Variants in HIVEP1 observed in about 807,000 individuals in gnomAD.
HIVEP1 encodes the protein HIVEP zinc finger 1.
HIVEP1 carries 36 observed loss-of-function variants against 180.0 expected under a neutral mutation model. The ratio of observed to expected loss-of-function variants is 0.20; its 90% CI spans 0.15 to 0.26. The LOEUF is 0.26. Among genes scored for constraint, HIVEP1 ranks in the 10% least tolerant of loss-of-function variants. The probability of loss-of-function intolerance (pLI) is 1.00; values close to 1 mark genes in which losing one functional copy is unlikely to be tolerated. For missense variants in HIVEP1, 3,143 were observed against 3,268.7 expected (o/e 0.96, Z 0.94); for synonymous variants, 1,239 against 1,239.0 (o/e 1.00, Z 0.00).
At chr6:12,192,178 A>G in the HIVEP1 span, among the ~76,000 whole-genome samples, 3 of 152,282 alleles carry the variant, frequency 2.0e-5, no homozygotes, top group South Asian at 6.2e-4. Context: ...CCCACTACCC[A>G]TATAGAACCA....
rs1186390816 is a variant in HIVEP1 at position 12,125,070 on chromosome 6, G to A, written c.5275G>A (p.Glu1759Lys). 1 of 1,614,032 alleles carries A rather than the reference G, an allele frequency of 6.2e-7. No individual in the cohort carries two copies. The highest frequency in any genetic ancestry group is 1.1e-5 in the South Asian group (1 of 91,016). The change falls in exon 4 of 9, where the codon GAA becomes AAA. Residue 1759 changes from glutamate (E) to lysine (K), a missense_variant. Physicochemically the swap from Glu to Lys is moderately conservative, Grantham distance 56. Around this residue, in one of 12 missense-constraint regions of HIVEP1, gnomAD observed 1,357 missense variants for 1,260.5 expected, o/e 1.08. Coordinates refer to ENST00000379388, the MANE Select transcript of HIVEP1 (RefSeq NM_002114.4). ...AGCAAATAGTTTAGACATTGCCATG[G>A]AAAAGCACCAGAAGCGGGCCAAAGA... ...SPANSLDIAM[E>K]KHQKRAKDEN...
chr6:12,205,055 T>C, the HIVEP1 span, among the ~76,000 whole-genome samples: 2 of 151,952 alleles, frequency 1.3e-5, no homozygotes, highest in African/African-American at 4.8e-5. Context: ...AGCAGAGGTG[T>C]TGAGGGGGAA....
chr6:12,193,120 T>C, the HIVEP1 span, among the ~76,000 whole-genome samples: 8 of 152,372 alleles, frequency 5.3e-5, no homozygotes, highest in African/African-American at 4.8e-5. Context: ...AGCTGGCCTA[T>C]GTAATTTAAT....
intron 7 of HIVEP1, among the ~76,000 whole-genome samples, chr6:12,146,919 C>T (rs1192965824): frequency 2.6e-5 from 4 of 152,090 alleles, no homozygotes; most frequent in East Asian, 1.9e-4. Context: ...AGGGAAAGAC[C>T]GGTGATGGCC....
intron 2 of HIVEP1, among the ~76,000 whole-genome samples, chr6:12,062,153 G>A (rs531811533): frequency 1.3e-5 from 2 of 152,204 alleles, no homozygotes; most frequent in Admixed American, 6.5e-5. Flanking sequence ...TCTAGGTGAT[G>A]GTGTTACATA....
At chr6:12,102,785 C>G (rs1444706194) in intron 3 of HIVEP1, among the ~76,000 whole-genome samples, 1 of 152,160 alleles carries the variant, frequency 6.6e-6, no homozygotes, top group Non-Finnish European at 1.5e-5. Flanking sequence ...ATCTCATTTT[C>G]TTAAGGTAGA....
At chr6:12,011,522 C>T (rs1394566474), upstream of HIVEP1, among the ~76,000 whole-genome samples, 2 of 151,202 alleles carry the variant, frequency 1.3e-5, no homozygotes, top group African/African-American at 4.8e-5. Context: ...TGCTGGTTCC[C>T]CAGGCGTCGC....
At chr6:12,017,464 G>A (rs1028629504) in intron 2 of HIVEP1, among the ~76,000 whole-genome samples, 2 of 152,226 alleles carry the variant, frequency 1.3e-5, no homozygotes, top group African/African-American at 2.4e-5. Flanking sequence ...CAAAGAGCAA[G>A]CAGTAGCAAG....
chr6:12,154,362 T>G (rs1344972857), intron 7 of HIVEP1, among the ~76,000 whole-genome samples: 1 of 152,050 alleles, frequency 6.6e-6, no homozygotes, highest in Non-Finnish European at 1.5e-5. Flanking sequence ...GCCTTCACAG[T>G]CTCCAGTCAA....
chr6:12,123,240 GA>G lies in HIVEP1; in HGVS notation c.3446del (p.Asp1149AlafsTer17), dbSNP rs1561968693. ...CTCCCTGAGCAGGCCCAACTCATTT[GA>G]CAAGCCTGAGCCTTTTGAAAGAGCC... is the stretch of plus-strand genomic sequence containing the variant. ...TNSLSRPNSFDKPEPFERASP... is the reference protein window; with the variant it reads ...TNSLSRPNSFXKPEPFERASP... On this transcript the variant is annotated frameshift_variant, in exon 4 of 9. Coordinates refer to ENST00000379388, the MANE Select transcript of HIVEP1 (RefSeq NM_002114.4). LOFTEE classifies it high-confidence loss of function. 2 of 1,614,158 alleles carry G rather than the reference GA, an allele frequency of 1.2e-6. No individual in the cohort carries two copies. The highest frequency in any genetic ancestry group is 1.7e-5 in the Admixed American group (1 of 60,012).
intron 2 of HIVEP1, among the ~76,000 whole-genome samples, chr6:12,030,843 T>C (rs1768893200): frequency 6.6e-6 from 1 of 152,230 alleles, no homozygotes; most frequent in African/African-American, 2.4e-5. Context: ...TTTCTCTTCA[T>C]GTCTCCAATT....
chr6:12,016,943 TTCTAGTTTGC>T (rs1767798313), intron 2 of HIVEP1, among the ~76,000 whole-genome samples: 1 of 152,168 alleles, frequency 6.6e-6, no homozygotes, highest in Admixed American at 6.5e-5. Context: ...GGGCACCCTG[TTCTAGTTTGC>T]ACAAGTGCAG....
intron 3 of HIVEP1, among the ~76,000 whole-genome samples, chr6:12,097,754 C>T (rs1442397884): frequency 6.6e-6 from 1 of 151,996 alleles, no homozygotes; most frequent in African/African-American, 2.4e-5. Context: ...AGATAGACTG[C>T]CAGCTTTATG....
the HIVEP1 span, among the ~76,000 whole-genome samples, chr6:12,184,629 C>G: frequency 1.3e-5 from 2 of 152,096 alleles, no homozygotes; most frequent in African/African-American, 4.8e-5. Context: ...ATTTGAACCG[C>G]AGCCCTTTGT....
At chr6:12,065,690 T>C (rs868795033) in intron 2 of HIVEP1, among the ~76,000 whole-genome samples, 3 of 120,404 alleles carry the variant, frequency 2.5e-5, no homozygotes, top group South Asian at 2.8e-4. Context: ...TGTGTGTGTG[T>C]GCGTGTGTGT....
At chr6:12,112,743 G>C (rs1176196650) in intron 3 of HIVEP1, among the ~76,000 whole-genome samples, 1 of 152,124 alleles carries the variant, frequency 6.6e-6, no homozygotes, top group African/African-American at 2.4e-5. Context: ...GCTTCTGGAT[G>C]GGGTGGGGAG....
rs1757815970 is a variant in HIVEP1, at chr6:12,123,317, A to G, written c.3522A>G (p.Leu1174=). 6.2e-7 allele frequency: 1 copy of G among 1,614,154 alleles called. No homozygotes were observed. ...ATAGAACGGGGAAGTCCGGGTCTCT[A>G]AAAGTGATAGGAATCTCCCAAGAGG... ...ELNRTGKSGS[L]KVIGISQEES... is the part of the protein sequence containing the mutation. Residue 1174 remains leucine (L), a synonymous_variant, in exon 4 of 9, where the codon CTA becomes CTG. Transcript: ENST00000379388.
Position 12,161,985 on chromosome 6 carries a change from T to C in HIVEP1, c.6978+56T>C. 2.0e-6 allele frequency: 3 copies of C among 1,467,662 alleles called. No homozygotes were observed. The South Asian group carries it at 4.0e-5, about 19-fold the overall frequency. The allele number at this position is 1,467,662 out of a possible 1,614,324, so 90.9% of individuals were successfully genotyped here. ...TTTTTTCGTTTTAACCTATTAAATATGGAGAACTTAATGGCTTAAGAAAAT... is the reference window on the plus strand; with the variant it reads ...TTTTTTCGTTTTAACCTATTAAATACGGAGAACTTAATGGCTTAAGAAAAT... On this transcript the variant is annotated intron_variant, in intron 8 of 8. Coordinates refer to ENST00000379388, the MANE Select transcript of HIVEP1 (RefSeq NM_002114.4).
chr6:12,178,454 G>A, the HIVEP1 span, among the ~76,000 whole-genome samples: 5 of 152,158 alleles, frequency 3.3e-5, no homozygotes, highest in Non-Finnish European at 7.3e-5. Context: ...GTAAAAATAT[G>A]CAATTCATAT....
Sources: gnomAD v4.1 joint callset for allele counts (sites outside exome capture counted in the v4.1 genomes callset) on GRCh38, gnomAD v4.1.1 for gene constraint, gnomAD v4.1.1 regional missense constraint, MANE v1.5 for transcripts, NCBI Gene and HGNC (gene_info 2026-07-23, HGNC 2026-07-21) for gene names.